The following ELL variants were observed in gnomAD, a reference collection of about 807,000 sequenced individuals.
ELL encodes elongation factor for RNA polymerase II.
ELL carries 18 observed loss-of-function variants against 64.0 expected under a neutral mutation model. That is an observed-to-expected ratio of 0.28 (90% CI 0.19 to 0.42). The LOEUF (loss-of-function observed/expected upper bound fraction) is 0.42. Ranked by LOEUF, ELL falls within the 10% of genes least tolerant of loss-of-function variation. The pLI, the probability that ELL is intolerant of heterozygous loss-of-function variation, is 1.00. For missense variants in ELL, 797 were observed against 870.4 expected (o/e 0.92, Z 1.06); for synonymous variants, 399 against 376.2 (o/e 1.06, Z -0.70).
intron 1 of ELL, among the ~76,000 whole-genome samples, chr19:18,489,499 A>C (rs1203320606): frequency 6.6e-6 from 1 of 151,966 alleles, no homozygotes; most frequent in Non-Finnish European, 1.5e-5. Context: ...GCCATCCAAG[A>C]CCTGAGCCTC....
At chr19:18,507,263 G>T (rs748917781) in intron 1 of ELL, among the ~76,000 whole-genome samples, 2 of 152,224 alleles carry the variant, frequency 1.3e-5, no homozygotes, top group Non-Finnish European at 2.9e-5. Context: ...CTGGCCTGTG[G>T]CAGTTCAAGG....
intron 1 of ELL, among the ~76,000 whole-genome samples, chr19:18,491,196 C>T (rs1975524816): frequency 1.3e-5 from 2 of 151,536 alleles, no homozygotes; most frequent in Non-Finnish European, 2.9e-5. Flanking sequence ...AATCCTCCCA[C>T]CTCAGCCTCC....
At chr19:18,474,751 C>G (rs566230459) in intron 1 of ELL, among the ~76,000 whole-genome samples, 12 of 152,336 alleles carry the variant, frequency 7.9e-5, no homozygotes, top group Admixed American at 2.6e-4. Flanking sequence ...AACCACCAGC[C>G]TGTGCTGCTA....
At chr19:18,466,215 C>A (rs541037875) in intron 2 of ELL, among the ~76,000 whole-genome samples, 11 of 152,330 alleles carry the variant, frequency 7.2e-5, no homozygotes, top group African/African-American at 2.6e-4. Context: ...TGCCCAGATG[C>A]AGGGCCCCCA....
Position 18,459,668 on chromosome 19 carries a change from C to T in ELL, c.745-1339G>A, listed in dbSNP as rs181342746. Among the ~76,000 whole-genome samples, 494 of 152,074 alleles carry T rather than the reference C, an allele frequency of 3.2e-3. 1 individual carries two copies. The highest frequency in any genetic ancestry group is 0.011 in the African/African-American group (451 of 41,454). Reference sequence around the variant, plus strand: ...TGGAGTAGCTGGGACTACAGGCACCCGCCACCACGCCCGGCTAATTTTTTT... The same window carrying T: ...TGGAGTAGCTGGGACTACAGGCACCTGCCACCACGCCCGGCTAATTTTTTT... On this transcript the variant is annotated intron_variant, in intron 5 of 11. Coordinates refer to ENST00000262809, the MANE Select transcript of ELL (RefSeq NM_006532.4).
intron 10 of ELL, among the ~76,000 whole-genome samples, chr19:18,445,563 G>A (rs1974395497): frequency 6.9e-6 from 1 of 145,738 alleles, no homozygotes; most frequent in African/African-American, 2.5e-5. Flanking sequence ...GGGTGGGGGG[G>A]TGCAGCAAAG....
intron 1 of ELL, among the ~76,000 whole-genome samples, chr19:18,484,904 C>A (rs184358505): frequency 1.3e-5 from 2 of 152,312 alleles, no homozygotes; most frequent in African/African-American, 4.8e-5. Context: ...CAACTGCTTT[C>A]CCCCAGACAA....
chr19:18,508,601 G>C lies in ELL; in HGVS notation c.135+13320C>G, dbSNP rs147338085. On this transcript the variant is annotated intron_variant, in intron 1 of 11. Coordinates refer to ENST00000262809, the MANE Select transcript of ELL (RefSeq NM_006532.4). ...GCCCAAGGCCCGAGCCTGGCCCCAC[G>C]ACAGTGGTTCCATTAACACACCAAC... Among the ~76,000 whole-genome samples the C allele has an allele frequency of 2.9e-3, 437 of 152,334 alleles. 1 individual carries two copies. The highest frequency in any genetic ancestry group is 0.014 in the Middle Eastern group (4 of 294).
At position 18,465,572 on chromosome 19, in the gene ELL, A is replaced by G. The variant is rs768258876; in HGVS notation, c.309T>C (p.His103=). 12 of 1,589,274 alleles carry G rather than the reference A, an allele frequency of 7.6e-6. No homozygotes were observed. In the South Asian group the frequency reaches 1.3e-4, roughly 18 times the overall value. Residue 103 remains histidine, a synonymous_variant, in exon 4 of 12, where the codon CAT becomes CAC. Transcript: ENST00000262809. ...CCAGGCAGTCCAGGTGAACTTCCCC[A>G]TGACTGCAAGACAAGGCCAGGAGCT... ...FDCIQQYVSS[H]GEVHLDCLGS...
At chr19:18,516,676 A>G (rs1976138928) in intron 1 of ELL, among the ~76,000 whole-genome samples, 1 of 152,142 alleles carries the variant, frequency 6.6e-6, no homozygotes, top group African/African-American at 2.4e-5. Flanking sequence ...CCCAGGAGCC[A>G]GCTCTGGGTC....
In ELL at chr19:18,472,885, A is replaced by T; in HGVS notation, c.136-3T>A. 6.9e-7 allele frequency: 1 copy of T among 1,452,934 alleles called. No individual in the cohort carries two copies. Among genetic ancestry groups the T allele is most frequent in the Non-Finnish European group, 9.1e-7 (1 of 1,103,854 alleles). The allele number at this position is 1,452,934 out of a possible 1,614,324, so 90.0% of individuals were successfully genotyped here. On this transcript the variant is annotated splice_polypyrimidine_tract_variant and splice_region_variant and intron_variant, in intron 1 of 11. Transcript: ENST00000262809. ...GATGGCCTCAGTGAAACAGAATCCT[A>T]TAAAAAAAAAAAAAAAAAAAAAAAG...
intron 2 of ELL, among the ~76,000 whole-genome samples, chr19:18,469,743 G>A (rs1048000087): frequency 2.0e-5 from 3 of 152,212 alleles, no homozygotes; most frequent in Admixed American, 6.5e-5. Context: ...TGCCCTTCCC[G>A]CTGACCTGAC....
intron 1 of ELL, among the ~76,000 whole-genome samples, chr19:18,509,111 T>C (rs1031236481): frequency 6.6e-6 from 1 of 151,858 alleles, no homozygotes; most frequent in Non-Finnish European, 1.5e-5. Flanking sequence ...CCCCTCAAGA[T>C]CTCGGGAATA....
intron 5 of ELL, among the ~76,000 whole-genome samples, chr19:18,459,680 C>T (rs997803666): frequency 5.3e-5 from 8 of 151,342 alleles, no homozygotes; most frequent in South Asian, 4.2e-4. Flanking sequence ...CCACCACGCC[C>T]GGCTAATTTT....
chr19:18,460,268 C>G (rs1974776818), intron 5 of ELL, among the ~76,000 whole-genome samples: 1 of 152,184 alleles, frequency 6.6e-6, no homozygotes, highest in Non-Finnish European at 1.5e-5. Context: ...CCAACAGTGT[C>G]CTGCTGACCC....
intron 1 of ELL, among the ~76,000 whole-genome samples, chr19:18,481,746 C>A (rs1005141216): frequency 6.6e-6 from 1 of 152,202 alleles, no homozygotes; most frequent in Admixed American, 6.5e-5. Flanking sequence ...CCTTCCCGTG[C>A]ATCCATTTGC....
intron 4 of ELL, 126 bp downstream of exon 4, chr19:18,465,286 A>T (rs1974909730): frequency 1.5e-6 from 2 of 1,341,576 alleles, no homozygotes; most frequent in Non-Finnish European, 2.0e-6. Flanking sequence ...TCAGGGACCG[A>T]CTCCTCGGTT....
intron 10 of ELL, 64 bp downstream of exon 10, chr19:18,446,245 C>A (rs899080021): frequency 3.0e-6 from 4 of 1,338,534 alleles, no homozygotes; most frequent in Non-Finnish European, 4.0e-6. Context: ...GGCGATGGTG[C>A]GCGCCCAAGT....
chr19:18,484,358 G>C (rs576135195), intron 1 of ELL, among the ~76,000 whole-genome samples: 1 of 152,192 alleles, frequency 6.6e-6, no homozygotes, highest in African/African-American at 2.4e-5. Flanking sequence ...CCAGCTACCC[G>C]GGAGGCTGAG....
Sources: allele counts gnomAD v4.1 joint callset (sites outside exome capture counted in the v4.1 genomes callset), GRCh38; gene constraint gnomAD v4.1.1; transcripts MANE v1.5; gene names NCBI Gene and HGNC (gene_info 2026-07-23, HGNC 2026-07-21).